Variants in TSPAN13 observed in about 807,000 individuals in gnomAD.
The protein encoded by TSPAN13 is tetraspanin 13, also known as tetraspanin-13.
A neutral mutation model predicts 26.9 loss-of-function variants in TSPAN13; 18 were observed. The observed-to-expected ratio is 0.67, with a 90% CI of 0.46 to 0.99. TSPAN13 has a LOEUF of 0.99. Ranked by LOEUF, TSPAN13 falls within the 50% of genes least tolerant of loss-of-function variation. The probability of loss-of-function intolerance (pLI) is 0.00; values close to 1 mark genes in which losing one functional copy is unlikely to be tolerated. For missense variants in TSPAN13, 201 were observed against 249.6 expected (o/e 0.81, Z 1.31); for synonymous variants, 116 against 98.4 (o/e 1.18, Z -1.06).
chr7:16,780,581 A>G (rs1260322637), intron 5 of TSPAN13, among the ~76,000 whole-genome samples: 1 of 152,226 alleles, frequency 6.6e-6, no homozygotes, highest in Non-Finnish European at 1.5e-5. Flanking sequence ...TTTAAAAACC[A>G]TAGATTTTTG....
chr7:16,754,116 C>A, intron 1 of TSPAN13, 86 bp downstream of exon 1: 1 of 1,369,188 alleles, frequency 7.3e-7, no homozygotes, highest in Non-Finnish European at 1.0e-6. Flanking sequence ...GTCAGCGACT[C>A]ACTCGTTGCA....
intron 1 of TSPAN13, among the ~76,000 whole-genome samples, chr7:16,770,206 A>G: frequency 6.8e-6 from 1 of 147,616 alleles, no homozygotes; most frequent in East Asian, 2.0e-4. Flanking sequence ...TTATTATTTT[A>G]TTATTATTAT....
intron 1 of TSPAN13, among the ~76,000 whole-genome samples, chr7:16,762,172 A>G (rs933429039): frequency 5.9e-5 from 9 of 152,210 alleles, no homozygotes; most frequent in Admixed American, 5.2e-4. Flanking sequence ...TTATGTAGAC[A>G]GAGAATAATA....
intron 5 of TSPAN13, among the ~76,000 whole-genome samples, chr7:16,780,595 T>C (rs894408102): frequency 2.6e-5 from 4 of 152,226 alleles, no homozygotes; most frequent in African/African-American, 7.2e-5. Context: ...ATTTTTGTTA[T>C]GAAAACTTAA....
At chr7:16,765,275 A>AT (rs1562517974) in intron 1 of TSPAN13, among the ~76,000 whole-genome samples, 2 of 146,316 alleles carry the variant, frequency 1.4e-5, no homozygotes, top group Admixed American at 6.8e-5. Context: ...AATTTTTTTT[A>AT]TTTTTTTGGT....
intron 5 of TSPAN13, among the ~76,000 whole-genome samples, chr7:16,782,196 A>G (rs997834401): frequency 2.6e-5 from 4 of 152,214 alleles, no homozygotes; most frequent in Non-Finnish European, 5.9e-5. Flanking sequence ...GGATTCCAAA[A>G]CAGATGACTT....
At chr7:16,758,573 A>G (rs926382064) in intron 1 of TSPAN13, among the ~76,000 whole-genome samples, 2 of 152,226 alleles carry the variant, frequency 1.3e-5, no homozygotes. Flanking sequence ...ACTTGCATAA[A>G]GAAAACTCGT....
At position 16,777,960 on chromosome 7, in the gene TSPAN13, T is replaced by TA. The variant is rs776152785; in HGVS notation, c.426+51dup. 5 of 1,328,290 alleles carry TA rather than the reference T, an allele frequency of 3.8e-6. No homozygotes were observed. The Admixed American group carries it at 7.7e-5, about 21-fold the overall frequency. 82.3% of individuals were successfully genotyped at this position (1,328,290 alleles called of 1,614,324 possible). On this transcript the variant is annotated intron_variant, in intron 4 of 5. Transcript: ENST00000262067. ...TTTTTGGAAATGTATTACAGATAAA[T>TA]AATGATTAATGTGGAAGAAATGGAC... is the stretch of plus-strand genomic sequence containing the variant.
At chr7:16,778,722 G>A (rs543480991) in intron 4 of TSPAN13, among the ~76,000 whole-genome samples, 4 of 152,268 alleles carry the variant, frequency 2.6e-5, no homozygotes, top group African/African-American at 7.2e-5. Context: ...TTTGTAATGC[G>A]TAATGGAGTC....
intron 1 of TSPAN13, among the ~76,000 whole-genome samples, chr7:16,765,713 T>G (rs1784597218): frequency 6.6e-6 from 1 of 152,262 alleles, no homozygotes; most frequent in African/African-American, 2.4e-5. Flanking sequence ...CAGCAATGAA[T>G]TAACAGACAC....
At chr7:16,767,901 A>G (rs1232165780) in intron 1 of TSPAN13, among the ~76,000 whole-genome samples, 4 of 151,598 alleles carry the variant, frequency 2.6e-5, no homozygotes, top group African/African-American at 9.7e-5. Context: ...ATTCATTTTT[A>G]TTTTTTATTT....
At chr7:16,770,951 C>G (rs1361855002) in intron 1 of TSPAN13, among the ~76,000 whole-genome samples, 2 of 152,208 alleles carry the variant, frequency 1.3e-5, no homozygotes, top group Non-Finnish European at 2.9e-5. Flanking sequence ...AGTCTTTGCT[C>G]TCTTTCTGGA....
chr7:16,776,511 C>T lies in TSPAN13; in HGVS notation c.231+133C>T, dbSNP rs972851971. 33 of 814,010 alleles carry T rather than the reference C, an allele frequency of 4.1e-5. No homozygotes were observed. In the African/African-American group the frequency reaches 5.6e-4, roughly 14 times the overall value. 50.4% of individuals were successfully genotyped at this position (814,010 alleles called of 1,614,324 possible). On this transcript the variant is annotated intron_variant, in intron 2 of 5. Coordinates refer to ENST00000262067, the MANE Select transcript of TSPAN13 (RefSeq NM_014399.4). Reference sequence around the variant, plus strand: ...AGCCTTATGCATATTTGTTCAAGAACTATTAGAAACATTTCTTAGGGTAAT... The same window carrying T: ...AGCCTTATGCATATTTGTTCAAGAATTATTAGAAACATTTCTTAGGGTAAT...
chr7:16,771,892 AGG>A (rs1784683727), intron 1 of TSPAN13, among the ~76,000 whole-genome samples: 1 of 152,194 alleles, frequency 6.6e-6, no homozygotes, highest in Non-Finnish European at 1.5e-5. Flanking sequence ...CCCTTGACAG[AGG>A]GTTATGTAGA....
intron 1 of TSPAN13, among the ~76,000 whole-genome samples, chr7:16,768,735 CA>C (rs1308221315): frequency 6.6e-6 from 1 of 152,148 alleles, no homozygotes; most frequent in Non-Finnish European, 1.5e-5. Context: ...GTGGTTGTCA[CA>C]AGGCTACTTA....
intron 1 of TSPAN13, among the ~76,000 whole-genome samples, chr7:16,767,730 T>G (rs1047869107): frequency 1.3e-5 from 2 of 152,218 alleles, no homozygotes; most frequent in Admixed American, 1.3e-4. Context: ...GTCTAGTGCA[T>G]GTGAGATGGT....
At position 16,781,003 on chromosome 7, in the gene TSPAN13, A is replaced by G. The variant is rs535617483; in HGVS notation, c.540+1887A>G. ...AATATTCACAGAATCACAGATTCTC[A>G]GAATTTGAAGGGATGCAGTTACTTA... is the stretch of plus-strand genomic sequence containing the variant. On this transcript the variant is annotated intron_variant, in intron 5 of 5. Coordinates refer to ENST00000262067, the MANE Select transcript of TSPAN13 (RefSeq NM_014399.4). Among the ~76,000 whole-genome samples the G allele has an allele frequency of 1.2e-4, 18 of 152,332 alleles. 1 individual carries two copies. In the South Asian group the frequency reaches 3.5e-3, roughly 30 times the overall value.
At chr7:16,762,067 G>A (rs113999589) in intron 1 of TSPAN13, among the ~76,000 whole-genome samples, 1,998 of 151,768 alleles carry the variant, frequency 0.013, 39 homozygotes, top group African/African-American at 0.045. Flanking sequence ...AAGAATTTTG[G>A]TACTAAAAAA....
In TSPAN13 at chr7:16,783,852, G is replaced by T. The variant is rs1410262079; in HGVS notation, c.*361G>T. 8.5e-6 allele frequency: 2 copies of T among 235,836 alleles called. No individual in the cohort carries two copies. Among genetic ancestry groups the T allele is most frequent in the African/African-American group, 4.4e-5 (2 of 45,056 alleles). The allele number at this position is 235,836 out of a possible 1,614,324, so 14.6% of individuals were successfully genotyped here. ...GTACATCTCACTGGTATAATTATAT[G>T]TAGCACTGTGCTGTGTAGATAGTTC... On this transcript the variant is annotated 3_prime_UTR_variant, in exon 6 of 6. Coordinates refer to ENST00000262067, the MANE Select transcript of TSPAN13 (RefSeq NM_014399.4).
Sources: gnomAD v4.1 joint callset for allele counts (sites outside exome capture counted in the v4.1 genomes callset) on GRCh38, gnomAD v4.1.1 for gene constraint, MANE v1.5 for transcripts, NCBI Gene and HGNC (gene_info 2026-07-23, HGNC 2026-07-21) for gene names.